The following CERS3 variants were observed in gnomAD, a reference collection of about 807,000 sequenced individuals.
CERS3 encodes LAG1 homolog, ceramide synthase 3.
In CERS3, 33 loss-of-function variants were observed where a neutral mutation model predicts 50.3. That is an observed-to-expected ratio of 0.66 (90% CI 0.50 to 0.88). The LOEUF is 0.88. Among genes scored for constraint, CERS3 ranks in the 40% least tolerant of loss-of-function variants. CERS3 has a pLI of 0.00. For synonymous variants in CERS3, 176 were observed against 155.2 expected, an observed-to-expected ratio of 1.13 and a Z score of -0.99; for missense variants, 470 against 460.3, an observed-to-expected ratio of 1.02 and a Z score of -0.19.
At chr15:100,508,376 T>C (rs1183717601) in intron 2 of CERS3, among the ~76,000 whole-genome samples, 1 of 152,156 alleles carries the variant, frequency 6.6e-6, no homozygotes, top group Non-Finnish European at 1.5e-5. Context: ...AAAAAGATGC[T>C]TGGTAGATGA....
chr15:100,486,495 G>A (rs1327432555), intron 4 of CERS3, among the ~76,000 whole-genome samples: 3 of 152,214 alleles, frequency 2.0e-5, no homozygotes, highest in Admixed American at 6.5e-5. Context: ...ACTGAGTGCC[G>A]TGTCAGTGCT....
rs79755863 is a variant in CERS3 at position 100,525,456 on chromosome 15, C to A, written c.-92+3357G>T. On this transcript the variant is annotated intron_variant, in intron 1 of 11. Coordinates refer to ENST00000679737, the MANE Select transcript of CERS3 (RefSeq NM_001378789.1). ...AAATTTGTTTCATGGACATCCAAGCCAAATCTCCTTCTTATCAGAGCTATT... is the reference window on the plus strand; with the variant it reads ...AAATTTGTTTCATGGACATCCAAGCAAAATCTCCTTCTTATCAGAGCTATT... 7.8e-3 allele frequency among the ~76,000 whole-genome samples: 1,191 copies of A among 152,292 alleles called. 10 individuals carry two copies. Among genetic ancestry groups the A allele is most frequent in the African/African-American group, 0.026 (1,095 of 41,560 alleles).
At chr15:100,501,919 T>A in intron 2 of CERS3, 69 bp from the exon 3 acceptor site, 1 of 1,528,666 alleles carries the variant, frequency 6.5e-7, no homozygotes, top group Non-Finnish European at 9.0e-7. Context: ...ATTGATCACC[T>A]TGGCTCAAAA....
chr15:100,540,737 A>G (rs990731493), intron 1 of CERS3, among the ~76,000 whole-genome samples: 2 of 152,208 alleles, frequency 1.3e-5, no homozygotes, highest in African/African-American at 2.4e-5. Flanking sequence ...TTCTGACTCC[A>G]GTAAGCTCTT....
chr15:100,479,877 A>G, intron 6 of CERS3, 112 bp downstream of exon 6: 1 of 762,892 alleles, frequency 1.3e-6, no homozygotes, highest in Middle Eastern at 3.7e-4. Context: ...CTTGAGAGAA[A>G]TCTCTAAAAC....
chr15:100,540,633 T>C (rs573497459), intron 1 of CERS3, among the ~76,000 whole-genome samples: 4 of 152,354 alleles, frequency 2.6e-5, no homozygotes, highest in Admixed American at 2.6e-4. Flanking sequence ...TGCAGCCTTA[T>C]TCTTTAACAG....
intron 1 of CERS3, chr15:100,544,389 GACCTCC>G: frequency 1.4e-5 from 2 of 141,254 alleles, no homozygotes; most frequent in Non-Finnish European, 3.2e-5. Context: ...TCTCGGCCTT[GACCTCC>G]GCGGGGACAC....
At chr15:100,449,699 G>C (rs2034080888) in intron 11 of CERS3, among the ~76,000 whole-genome samples, 1 of 152,066 alleles carries the variant, frequency 6.6e-6, no homozygotes. Context: ...CACAACCAAA[G>C]TTCCCTACCA....
intron 11 of CERS3, among the ~76,000 whole-genome samples, chr15:100,434,754 CA>C (rs1033244263): frequency 3.5e-4 from 53 of 152,338 alleles, no homozygotes; most frequent in African/African-American, 1.2e-3. Flanking sequence ...GATTTATTAA[CA>C]GGCCACAAAC....
chr15:100,467,780 TACAC>T lies in CERS3; in HGVS notation c.845+1594_845+1597del, dbSNP rs56374001. On this transcript the variant is annotated intron_variant, in intron 10 of 11. Transcript: ENST00000679737. ...CTCTCTCTCTCTCTCTATATATATA[TACAC>T]ACATATATATGTATATATATATACG... 6.9e-5 allele frequency among the ~76,000 whole-genome samples: 9 copies of T among 131,048 alleles called. No homozygotes were observed. In the South Asian group the frequency reaches 2.0e-3, roughly 29 times the overall value. The allele number at this position is 131,048 out of a possible 152,430, so 86.0% of individuals were successfully genotyped here. A position where few individuals can be genotyped will look rare whatever the true frequency, so the allele number is the denominator to read the frequency against.
intron 11 of CERS3, among the ~76,000 whole-genome samples, chr15:100,412,570 C>A (rs534641564): frequency 6.6e-6 from 1 of 152,100 alleles, no homozygotes; most frequent in Non-Finnish European, 1.5e-5. Context: ...ATCCAAGTTG[C>A]TTAAAACATG....
At chr15:100,450,587 AACT>A (rs1173469019) in intron 11 of CERS3, among the ~76,000 whole-genome samples, 1 of 152,132 alleles carries the variant, frequency 6.6e-6, no homozygotes, top group Non-Finnish European at 1.5e-5. Flanking sequence ...CAACTTATTG[AACT>A]TTTGGTGTTT....
chr15:100,531,077 C>T (rs1003583702), upstream of CERS3, among the ~76,000 whole-genome samples: 2 of 152,054 alleles, frequency 1.3e-5, no homozygotes, highest in East Asian at 3.9e-4. Flanking sequence ...GAGTGAGACT[C>T]CTGTCTCAAA....
At position 100,400,408 on chromosome 15, in the gene CERS3, T is replaced by G. The variant is rs2030431608; in HGVS notation, c.*2305A>C. ...TCAATCACCAGGTACACTGGACTTTTGGCTTTATTGTAGTCATTACTGTTA... is the reference window on the plus strand; with the variant it reads ...TCAATCACCAGGTACACTGGACTTTGGGCTTTATTGTAGTCATTACTGTTA... On this transcript the variant is annotated 3_prime_UTR_variant, in exon 12 of 12. Transcript: ENST00000679737. The G allele has an allele frequency of 1.3e-5, 2 of 152,246 alleles. No homozygotes were observed. The highest frequency in any genetic ancestry group is 4.1e-4 in the South Asian group (2 of 4,834). The allele number at this position is 152,246 out of a possible 1,614,324, so 9.4% of individuals were successfully genotyped here.
chr15:100,473,052 C>T lies in CERS3; in HGVS notation c.610G>A (p.Asp204Asn), dbSNP rs1353347368. ...FRLGFDVKRK[D>N]FLAHIIHHLA... ...TGGTGGATGATATGAGCTAGAAAATCCTGTAAGATGAGGGAAAATGGAAGC... is the reference window on the plus strand; with the variant it reads ...TGGTGGATGATATGAGCTAGAAAATTCTGTAAGATGAGGGAAAATGGAAGC... The change falls in exon 9 of 12, where the codon GAT (aspartate) becomes AAT (asparagine). Residue 204 changes from aspartate (D) to asparagine (N), a missense_variant and splice_region_variant. Asp to Asn is a conservative substitution (Grantham distance 23). Transcript: ENST00000679737. The T allele has an allele frequency of 1.2e-6, 2 of 1,611,082 alleles. No homozygotes were observed.
chr15:100,402,967 AC>A, intron 11 of CERS3, 102 bp from the exon 12 acceptor site: 1 of 1,167,144 alleles, frequency 8.6e-7, no homozygotes, highest in Non-Finnish European at 1.2e-6. Flanking sequence ...TTTAAGGAAA[AC>A]CCAATATCCA....
chr15:100,442,935 G>A (rs1596669649), intron 11 of CERS3, among the ~76,000 whole-genome samples: 1 of 151,504 alleles, frequency 6.6e-6, no homozygotes, highest in East Asian at 2.0e-4. Context: ...ACTGTTGTGG[G>A]TATTGACGGC....
intron 11 of CERS3, among the ~76,000 whole-genome samples, chr15:100,443,115 T>C (rs1158649909): frequency 6.6e-6 from 1 of 151,914 alleles, no homozygotes; most frequent in African/African-American, 2.4e-5. Context: ...CCACACCTCA[T>C]TACTGCCCTT....
chr15:100,484,455 C>A, intron 5 of CERS3, 95 bp downstream of exon 5: 2 of 864,102 alleles, frequency 2.3e-6, no homozygotes, highest in Non-Finnish European at 3.9e-6. Context: ...GGGTCTGAAC[C>A]CTCCCTCTGC....
Sources: gnomAD v4.1 joint callset for allele counts (sites outside exome capture counted in the v4.1 genomes callset) on GRCh38, gnomAD v4.1.1 for gene constraint, MANE v1.5 for transcripts, NCBI Gene and HGNC (gene_info 2026-07-23, HGNC 2026-07-21) for gene names.